Variants in PPA2 observed in about 807,000 individuals in gnomAD.
PPA2 encodes the protein inorganic pyrophosphatase 2.
Under a neutral mutation model 49.5 loss-of-function variants are expected in PPA2, and 48 were observed. The observed-to-expected ratio is 0.97, with a 90% CI of 0.77 to 1.23. The LOEUF (loss-of-function observed/expected upper bound fraction) is 1.23, where lower values mean the gene tolerates loss of function less well. Among genes scored for constraint, PPA2 ranks in the 50% most tolerant of loss-of-function variants. The pLI is 0.00. For missense variants in PPA2, 429 were observed against 410.1 expected, an observed-to-expected ratio of 1.05 and a Z score of -0.40; for synonymous variants, 131 against 139.9, an observed-to-expected ratio of 0.94 and a Z score of 0.45.
chr4:105,454,808 T>C (rs889426688), intron 2 of PPA2, among the ~76,000 whole-genome samples: 8 of 152,176 alleles, frequency 5.3e-5, no homozygotes, highest in Non-Finnish European at 1.0e-4. Context: ...CAATTTTGCC[T>C]AATCTCTAAT....
chr4:105,431,336 T>C (rs1723790564), intron 6 of PPA2, among the ~76,000 whole-genome samples: 1 of 152,198 alleles, frequency 6.6e-6, no homozygotes, highest in African/African-American at 2.4e-5. Context: ...ATAAAATAAT[T>C]ATCCACATTT....
intron 4 of PPA2, among the ~76,000 whole-genome samples, chr4:105,447,030 T>G (rs1432298365): frequency 6.6e-6 from 1 of 152,012 alleles, no homozygotes; most frequent in Admixed American, 6.6e-5. Flanking sequence ...GCATCCAAAG[T>G]AGGAAAGAAA....
At chr4:105,428,652 A>G (rs1029215163) in intron 6 of PPA2, among the ~76,000 whole-genome samples, 2 of 150,316 alleles carry the variant, frequency 1.3e-5, no homozygotes, top group African/African-American at 2.5e-5. Context: ...GGGGAACATC[A>G]TACACCGAGG....
intron 5 of PPA2, among the ~76,000 whole-genome samples, chr4:105,441,434 AG>A (rs1195999874): frequency 6.6e-6 from 1 of 152,178 alleles, no homozygotes; most frequent in Non-Finnish European, 1.5e-5. Flanking sequence ...CTAAAATATT[AG>A]TAAGGATATA....
chr4:105,415,336 T>A (rs1722957472), intron 7 of PPA2, among the ~76,000 whole-genome samples: 2 of 152,212 alleles, frequency 1.3e-5, no homozygotes, highest in Non-Finnish European at 2.9e-5. Flanking sequence ...CAAGCCACCC[T>A]CAGCACCTCT....
chr4:105,462,415 G>T (rs1199969464), intron 1 of PPA2, among the ~76,000 whole-genome samples: 2 of 152,154 alleles, frequency 1.3e-5, no homozygotes, highest in Non-Finnish European at 2.9e-5. Context: ...GCAGGTCCAT[G>T]ACTGAAAAAA....
intron 9 of PPA2, among the ~76,000 whole-genome samples, chr4:105,392,586 T>G (rs1733969702): frequency 6.6e-6 from 1 of 151,944 alleles, no homozygotes; most frequent in Non-Finnish European, 1.5e-5. Context: ...GGCAGGAGAA[T>G]TGCTTGAGCC....
At chr4:105,449,491 G>T in intron 3 of PPA2, 88 bp from the exon 4 acceptor site, 2 of 733,660 alleles carry the variant, frequency 2.7e-6, no homozygotes, top group Non-Finnish European at 4.4e-6. Context: ...TACCTTAGAT[G>T]TTTTCCCCCG....
intron 2 of PPA2, 171 bp downstream of exon 2, chr4:105,456,510 T>G: frequency 5.3e-6 from 3 of 562,690 alleles, no homozygotes; most frequent in East Asian, 3.1e-5. Flanking sequence ...AAGAATCCTA[T>G]TCTCATACAA....
intron 9 of PPA2, among the ~76,000 whole-genome samples, chr4:105,389,392 T>A (rs1212152280): frequency 6.8e-6 from 1 of 147,838 alleles, no homozygotes; most frequent in Non-Finnish European, 1.5e-5. Flanking sequence ...AAAAGCAGTA[T>A]AATCATTTAA....
Position 105,446,411 on chromosome 4 carries a change from TA to T in PPA2, c.412del (p.Tyr138IlefsTer36). The T allele has an allele frequency of 6.2e-7, 1 of 1,601,796 alleles. No individual in the cohort carries two copies. Among genetic ancestry groups the T allele is most frequent in the Non-Finnish European group, 8.5e-7 (1 of 1,174,858 alleles). ...YVANIFPYKG[Y>X]IWNYGTLPQT... The stretch of plus-strand genomic sequence containing the variant: ...AGGGAGGGTACCATAATTCCATATA[TA>T]ACCCTTGTAAGGGAAGATATTCGCC... On this transcript the variant is annotated frameshift_variant, in exon 5 of 12. Coordinates refer to ENST00000341695, the MANE Select transcript of PPA2 (RefSeq NM_176869.3). LOFTEE classifies it high-confidence loss of function.
intron 10 of PPA2, among the ~76,000 whole-genome samples, chr4:105,372,126 A>G (rs1056368519): frequency 6.6e-6 from 1 of 152,172 alleles, no homozygotes; most frequent in African/African-American, 2.4e-5. Flanking sequence ...AAACAGGCTT[A>G]AACCTGTCTG....
chr4:105,448,885 G>A (rs1009134924), intron 4 of PPA2, among the ~76,000 whole-genome samples: 8 of 151,828 alleles, frequency 5.3e-5, no homozygotes, highest in African/African-American at 1.5e-4. Flanking sequence ...AAACTATAAC[G>A]TATATACTTA....
intron 4 of PPA2, among the ~76,000 whole-genome samples, chr4:105,447,624 G>A (rs545777275): frequency 6.6e-6 from 1 of 151,790 alleles, no homozygotes; most frequent in South Asian, 2.1e-4. Context: ...ATGTCACTTT[G>A]TACCCTATAA....
intron 1 of PPA2, among the ~76,000 whole-genome samples, chr4:105,470,185 A>G (rs1338322462): frequency 6.6e-6 from 1 of 152,274 alleles, no homozygotes; most frequent in Non-Finnish European, 1.5e-5. Flanking sequence ...CAAGTTATTA[A>G]CGAAACAAAA....
intron 10 of PPA2, among the ~76,000 whole-genome samples, chr4:105,383,201 C>T (rs915303930): frequency 3.3e-5 from 5 of 152,064 alleles, no homozygotes; most frequent in African/African-American, 1.2e-4. Context: ...GTTCAAACAT[C>T]TATATTTGTA....
intron 6 of PPA2, among the ~76,000 whole-genome samples, chr4:105,429,451 T>A (rs2110278388): frequency 6.6e-6 from 1 of 152,314 alleles, no homozygotes; most frequent in South Asian, 2.1e-4. Context: ...TGGTCAATAT[T>A]CCAAAATTAA....
At chr4:105,401,638 G>C (rs972604527) in intron 7 of PPA2, among the ~76,000 whole-genome samples, 14 of 152,060 alleles carry the variant, frequency 9.2e-5, no homozygotes, top group African/African-American at 3.4e-4. Flanking sequence ...ATTCCCACTT[G>C]TGGAATTAAT....
intron 10 of PPA2, among the ~76,000 whole-genome samples, chr4:105,379,524 C>T (rs889236702): frequency 6.6e-5 from 10 of 151,984 alleles, no homozygotes; most frequent in Admixed American, 5.9e-4. Flanking sequence ...AGTGCAATGG[C>T]ATGATCCTGA....
Sources: allele counts gnomAD v4.1 joint callset (sites outside exome capture counted in the v4.1 genomes callset), GRCh38; gene constraint gnomAD v4.1.1; transcripts MANE v1.5; gene names NCBI Gene and HGNC (gene_info 2026-07-23, HGNC 2026-07-21).